Variants in RP1 observed in about 807,000 individuals in gnomAD.
RP1 encodes the protein RP1 axonemal microtubule associated.
RP1 carries 16 observed loss-of-function variants against 14.8 expected under a neutral mutation model. The observed-to-expected ratio is 1.08, with a 90% CI of 0.73 to 1.65. The LOEUF (loss-of-function observed/expected upper bound fraction) is 1.65. Among genes scored for constraint, RP1 ranks in the 40% most tolerant of loss-of-function variants. The pLI is 0.00. For synonymous variants in RP1, 876 were observed against 883.6 expected, an observed-to-expected ratio of 0.99 and a Z score of 0.15; for missense variants, 2,631 against 2,535.0, an observed-to-expected ratio of 1.04 and a Z score of -0.81.
At chr8:54,832,421 T>C (rs1811553902) in intron 24 of RP1, among the ~76,000 whole-genome samples, 1 of 151,860 alleles carries the variant, frequency 6.6e-6, no homozygotes, top group African/African-American at 2.4e-5. Context: ...ATTCCATTAA[T>C]TATTATTTCA....
At chr8:54,581,391 A>G (rs1241237198) in intron 1 of RP1, among the ~76,000 whole-genome samples, 5 of 152,108 alleles carry the variant, frequency 3.3e-5, no homozygotes, top group Non-Finnish European at 7.4e-5. Context: ...ACATTTTCTT[A>G]ATCCAGTCTA....
chr8:54,795,376 A>G (rs2129386466), intron 24 of RP1, among the ~76,000 whole-genome samples: 1 of 152,290 alleles, frequency 6.6e-6, no homozygotes, highest in South Asian at 2.1e-4. Flanking sequence ...AAGCCAAAAA[A>G]GACCTAAAAA....
At position 54,636,461 on chromosome 8, in the gene RP1, T is replaced by C. The variant is rs114925827; in HGVS notation, c.788-12524T>C. Reference sequence around the variant, plus strand: ...TCATAAAAATCACAACAGTTGGCTGTGCATGGTGGCTCACGCCTGTAATCC... The same window carrying C: ...TCATAAAAATCACAACAGTTGGCTGCGCATGGTGGCTCACGCCTGTAATCC... On this transcript the variant is annotated intron_variant, in intron 3 of 22. Coordinates refer to the RP1 transcript ENST00000636932. 7.7e-3 allele frequency among the ~76,000 whole-genome samples: 1,167 copies of C among 152,290 alleles called. 20 individuals carry two copies. The highest frequency in any genetic ancestry group is 0.027 in the African/African-American group (1,108 of 41,562).
chr8:54,786,256 G>GT (rs1319097200), intron 24 of RP1, among the ~76,000 whole-genome samples: 3 of 151,950 alleles, frequency 2.0e-5, no homozygotes, highest in African/African-American at 7.2e-5. Flanking sequence ...TTGGTTGACA[G>GT]TTTTTTTCTT....
At chr8:54,774,220 G>A (rs1463873211), downstream of RP1, among the ~76,000 whole-genome samples, 1 of 152,104 alleles carries the variant, frequency 6.6e-6, no homozygotes, top group African/African-American at 2.4e-5. Context: ...TGCCTGTTGT[G>A]TCAGCCTCAT....
chr8:54,604,920 C>A (rs1805390497), intron 1 of RP1, among the ~76,000 whole-genome samples: 1 of 151,798 alleles, frequency 6.6e-6, no homozygotes, highest in African/African-American at 2.4e-5. Flanking sequence ...CTATTTGATT[C>A]TTCTCTCTTT....
At chr8:54,806,430 A>C (rs1186592976) in intron 24 of RP1, among the ~76,000 whole-genome samples, 1 of 151,834 alleles carries the variant, frequency 6.6e-6, no homozygotes, top group African/African-American at 2.4e-5. Context: ...AACACCAAAA[A>C]CCCATCTCTC....
At chr8:54,670,675 A>ATATTTT (rs1807155919) in intron 7 of RP1, among the ~76,000 whole-genome samples, 1 of 29,164 alleles carries the variant, frequency 3.4e-5, no homozygotes, top group Non-Finnish European at 1.0e-4. Flanking sequence ...ATGTTTTTAT[A>ATATTTT]TATATATATA....
chr8:54,779,073 T>C (rs961735816), intron 23 of RP1, among the ~76,000 whole-genome samples: 1 of 152,108 alleles, frequency 6.6e-6, no homozygotes, highest in Non-Finnish European at 1.5e-5. Context: ...CCTCCATCTT[T>C]CCCTGTCACA....
intron 27 of RP1, among the ~76,000 whole-genome samples, chr8:54,863,053 AT>A (rs1812384125): frequency 7.2e-6 from 1 of 138,410 alleles, no homozygotes; most frequent in Admixed American, 7.5e-5. Context: ...GGATATATAT[AT>A]ATATATATAT....
chr8:54,652,846 C>G (rs1233564164), exon 5 of RP1: 2 of 1,535,624 alleles, frequency 1.3e-6, no homozygotes, highest in Admixed American at 3.9e-5. Flanking sequence ...TGGATCCTCC[C>G]CTTCCTGGCA....
At chr8:54,640,392 A>C (rs1003349458) in intron 3 of RP1, among the ~76,000 whole-genome samples, 1 of 152,188 alleles carries the variant, frequency 6.6e-6, no homozygotes, top group Non-Finnish European at 1.5e-5. Flanking sequence ...TTGAAACCAG[A>C]TAGTGTAAAT....
At chr8:54,828,886 T>C (rs1262909471) in intron 24 of RP1, among the ~76,000 whole-genome samples, 6 of 55,352 alleles carry the variant, frequency 1.1e-4, no homozygotes, top group South Asian at 1.7e-3. Flanking sequence ...CTTCTTCTTT[T>C]TTTTTTTTTT....
At chr8:54,620,648 C>T (rs1387087737) in intron 1 of RP1, among the ~76,000 whole-genome samples, 1 of 152,134 alleles carries the variant, frequency 6.6e-6, no homozygotes, top group African/African-American at 2.4e-5. Flanking sequence ...TCTATAAGGT[C>T]ATGTTTAATG....
At chr8:54,860,435 T>TAA (rs138068919) in intron 27 of RP1, among the ~76,000 whole-genome samples, 5,336 of 152,266 alleles carry the variant, frequency 0.035, 308 homozygotes, top group African/African-American at 0.12. Context: ...ACAAATGGAA[T>TAA]ATAGAAAGCT....
chr8:54,664,098 G>T (rs1411042329), intron 7 of RP1, among the ~76,000 whole-genome samples: 1 of 151,888 alleles, frequency 6.6e-6, no homozygotes, highest in African/African-American at 2.4e-5. Context: ...TTCTATTTCT[G>T]TGCATTTACT....
intron 24 of RP1, among the ~76,000 whole-genome samples, chr8:54,799,615 T>C (rs1443185974): frequency 6.6e-6 from 1 of 152,052 alleles, no homozygotes; most frequent in Non-Finnish European, 1.5e-5. Context: ...ATCAATGTTA[T>C]CTCCTTTTTT....
rs766771124 is a variant in RP1, at chr8:54,720,036, G to A, written c.2212-93G>A. 70 of 1,051,652 alleles carry A rather than the reference G, an allele frequency of 6.7e-5. 1 individual carries two copies. The highest frequency in any genetic ancestry group is 8.6e-5 in the Non-Finnish European group (65 of 758,746). 65.1% of individuals were successfully genotyped at this position (1,051,652 alleles called of 1,614,324 possible). ...TAGATTTATCATAGTGATTCGAAAC[G>A]AGACAAAATTATATTCTTTTAAAAC... is the stretch of plus-strand genomic sequence containing the variant. On this transcript the variant is annotated intron_variant, in intron 15 of 22. Coordinates refer to the RP1 transcript ENST00000636932.
rs962121976 is a variant in RP1, at chr8:54,626,664, A to G, written c.2782A>G (p.Thr928Ala). 6.2e-7 allele frequency: 1 copy of G among 1,613,820 alleles called. No homozygotes were observed. The highest frequency in any genetic ancestry group is 1.3e-5 in the African/African-American group (1 of 74,944). Reference protein sequence around the residue: ...SWLQNINPYPTLKPIKSAPVC... With the variant: ...SWLQNINPYPALKPIKSAPVC... ...GTTGCAGAACATAAATCCATATCCA[A>G]CTTTAAAGCCTATAAAATCAGCTCC... is the stretch of plus-strand genomic sequence containing the variant. Residue 928 changes from threonine (T) to alanine (A), a missense_variant, in exon 4 of 4, where the codon ACT becomes GCT. Thr to Ala is a moderately conservative substitution (Grantham distance 58). Transcript: ENST00000220676.
Sources: allele counts gnomAD v4.1 joint callset (sites outside exome capture counted in the v4.1 genomes callset), GRCh38; gene constraint gnomAD v4.1.1; transcripts MANE v1.5; gene names NCBI Gene and HGNC (gene_info 2026-07-23, HGNC 2026-07-21).